INTS10: variants seen among roughly 807,000 people sequenced by gnomAD.
INTS10 encodes integrator complex subunit 10, also known as chromosome 8 open reading frame 35.
INTS10 carries 44 observed loss-of-function variants against 94.4 expected under a neutral mutation model. That is an observed-to-expected ratio of 0.47 (90% CI 0.37 to 0.60). INTS10 has a LOEUF of 0.60. Among genes scored for constraint, INTS10 ranks in the 20% least tolerant of loss-of-function variants. The probability of loss-of-function intolerance (pLI) is 0.00; values close to 1 mark genes in which losing one functional copy is unlikely to be tolerated. For missense variants in INTS10, 797 were observed against 868.7 expected, an observed-to-expected ratio of 0.92 and a Z score of 1.04; for synonymous variants, 341 against 320.7, an observed-to-expected ratio of 1.06 and a Z score of -0.68.
At chr8:19,825,946 C>G (rs1342881917) in intron 8 of INTS10, among the ~76,000 whole-genome samples, 1 of 152,126 alleles carries the variant, frequency 6.6e-6, no homozygotes, top group Non-Finnish European at 1.5e-5. Flanking sequence ...ACAGTCTTTT[C>G]TTTCTATGTG....
At position 19,843,742 on chromosome 8, in the gene INTS10, T is replaced by C. The variant is rs760921808; in HGVS notation, c.1720-334T>C. Among the ~76,000 whole-genome samples, 1 of 152,144 alleles carries C rather than the reference T, an allele frequency of 6.6e-6. No individual in the cohort carries two copies. The highest frequency in any genetic ancestry group is 1.5e-5 in the Non-Finnish European group (1 of 68,024). ...GCTCCCTTTCAAAGAAATCTTCAGA[T>C]TTATTTCTCCATTACACAGGATGAA... On this transcript the variant is annotated intron_variant, in intron 14 of 16. Transcript: ENST00000397977. The surrounding 1 kb of genome is among the most constrained non-coding windows in gnomAD (Gnocchi z 4.7).
intron 9 of INTS10, among the ~76,000 whole-genome samples, chr8:19,829,663 G>A (rs989894490): frequency 2.0e-5 from 3 of 152,082 alleles, no homozygotes; most frequent in African/African-American, 4.8e-5. Flanking sequence ...CTTAGAGGAC[G>A]CAGGCTTTAA....
chr8:19,846,433 C>CAAAAA lies in INTS10; in HGVS notation c.1976+643_1976+647dup, dbSNP rs71205949. 6.8e-6 allele frequency among the ~76,000 whole-genome samples: 1 copy of CAAAAA among 147,682 alleles called. No individual in the cohort carries two copies. ...GGGCAACAAGAGTGAAACTCCATCT[C>CAAAAA]AAAAAAAAAAACAAACAAACAAAAC... On this transcript the variant is annotated intron_variant, in intron 16 of 16. Coordinates refer to ENST00000397977, the MANE Select transcript of INTS10 (RefSeq NM_018142.4). This position sits in a 1 kb window ranked among gnomAD's most constrained non-coding sequence, Gnocchi z 4.2.
intron 11 of INTS10, among the ~76,000 whole-genome samples, 177 bp downstream of exon 11, chr8:19,832,287 A>G (rs1410150628): frequency 6.6e-6 from 1 of 152,120 alleles, no homozygotes; most frequent in African/African-American, 2.4e-5. Context: ...CAAAGTAACT[A>G]TCGGCCGGGT....
At position 19,833,109 on chromosome 8, in the gene INTS10, T is replaced by C. The variant is rs2067366143; in HGVS notation, c.1378-60T>C. On this transcript the variant is annotated intron_variant, in intron 11 of 16. Transcript: ENST00000397977. ...CTTCGTGAACCCTGGAACGGTATTT[T>C]TTAAATTTCTTTTTTTAACAGCGAT... 13 of 1,426,054 alleles carry C rather than the reference T, an allele frequency of 9.1e-6. No homozygotes were observed. In the Middle Eastern group the frequency reaches 5.5e-4, roughly 61 times the overall value. The allele number at this position is 1,426,054 out of a possible 1,614,324, so 88.3% of individuals were successfully genotyped here.
rs1164032633 is a variant in INTS10, at chr8:19,824,063, C to G, written c.836+19C>G. On this transcript the variant is annotated intron_variant, in intron 7 of 16. Coordinates refer to ENST00000397977, the MANE Select transcript of INTS10 (RefSeq NM_018142.4). ...GAAGACGGTAATAAATAGCTTATTTCCAGAATTGCCTATTGATTCTTTTGG... is the reference window on the plus strand; with the variant it reads ...GAAGACGGTAATAAATAGCTTATTTGCAGAATTGCCTATTGATTCTTTTGG... 2 of 1,553,722 alleles carry G rather than the reference C, an allele frequency of 1.3e-6. No individual in the cohort carries two copies.
At chr8:19,819,106 C>T (rs750158115) in intron 2 of INTS10, among the ~76,000 whole-genome samples, 1 of 152,096 alleles carries the variant, frequency 6.6e-6, no homozygotes, top group Non-Finnish European at 1.5e-5. Flanking sequence ...GTGTGTTTTC[C>T]CATACCCTTC....
At chr8:19,850,957 G>A (rs1034778054) in intron 16 of INTS10, among the ~76,000 whole-genome samples, 9 of 152,082 alleles carry the variant, frequency 5.9e-5, no homozygotes, top group African/African-American at 2.2e-4. Flanking sequence ...GCAGGACCAC[G>A]CAGTCCACTC....
intron 9 of INTS10, among the ~76,000 whole-genome samples, chr8:19,829,764 G>A (rs1014517970): frequency 4.6e-5 from 7 of 152,142 alleles, no homozygotes. Context: ...TGCCTCCCGG[G>A]CTTAAGAAAT....
chr8:19,849,785 A>C lies in INTS10; in HGVS notation c.1977-1864A>C, dbSNP rs955731617. Among the ~76,000 whole-genome samples, 1 of 152,138 alleles carries C rather than the reference A, an allele frequency of 6.6e-6. No homozygotes were observed. Among genetic ancestry groups the C allele is most frequent in the African/African-American group, 2.4e-5 (1 of 41,404 alleles). ...AAATGCCACATTTATTAGCTGGTTT[A>C]TCCTGTTCTTAAACCACAAAAGCTT... is the stretch of plus-strand genomic sequence containing the variant. On this transcript the variant is annotated intron_variant, in intron 16 of 16. Coordinates refer to ENST00000397977, the MANE Select transcript of INTS10 (RefSeq NM_018142.4). This position sits in a 1 kb window ranked among gnomAD's most constrained non-coding sequence, Gnocchi z 4.6.
intron 13 of INTS10, among the ~76,000 whole-genome samples, chr8:19,838,651 C>G (rs1307639759): frequency 6.6e-6 from 1 of 152,078 alleles, no homozygotes; most frequent in African/African-American, 2.4e-5. Context: ...ACTTTAAAGG[C>G]CAGTATCCAT....
rs1457308316 is a variant in INTS10, at chr8:19,817,587, T to G, written c.50T>G (p.Leu17Trp). 6.2e-7 allele frequency: 1 copy of G among 1,608,980 alleles called. No individual in the cohort carries two copies. The change falls in exon 1 of 17, where the codon TTG becomes TGG. Residue 17 changes from leucine to tryptophan, a missense_variant. By Grantham distance (61) the Leu-to-Trp change is moderately conservative. This residue lies in a region of INTS10 where 734 missense variants were observed against 787.8 expected (regional missense o/e 0.93). Transcript: ENST00000397977. ...TTCCTGGTGCAGCGAGCCCGGGAGT[T>G]GGTGCCGCAAGACCTGTGGGCAGCC... is the stretch of plus-strand genomic sequence containing the variant. ...CEFLVQRARE[L>W]VPQDLWAAKA...
At chr8:19,821,338 G>A (rs1228199753) in intron 4 of INTS10, 1 of 152,218 alleles carries the variant, frequency 6.6e-6, no homozygotes, top group Non-Finnish European at 1.5e-5. Context: ...GGCTTCTGAT[G>A]GTTGTCAGCA....
chr8:19,818,054 A>C (rs1386759707), intron 1 of INTS10: 1 of 601,950 alleles, frequency 1.7e-6, no homozygotes, highest in Non-Finnish European at 3.0e-6. Flanking sequence ...GACTTTGGAA[A>C]TATTATCCTA....
chr8:19,823,895 A>T lies in INTS10; in HGVS notation c.687A>T (p.Leu229Phe). The change falls in exon 7 of 17, where the codon TTA (leucine) becomes TTT (phenylalanine). Residue 229 changes from leucine (L) to phenylalanine (F), a missense_variant. Leu to Phe is a conservative substitution (Grantham distance 22). Transcript: ENST00000397977. ...CAGGCGCCCAGGATACATCTGATTT[A>T]ATGTCACCTAGCAAACGTAGCTCTC... ...QHQGAQDTSD[L>F]MSPSKRSSQK... The T allele has an allele frequency of 6.2e-7, 1 of 1,608,506 alleles. No individual in the cohort carries two copies. Among genetic ancestry groups the T allele is most frequent in the Non-Finnish European group, 8.5e-7 (1 of 1,178,372 alleles).
Position 19,844,244 on chromosome 8 carries a change from CT to C in INTS10, c.1882+12del. 1 of 1,589,900 alleles carries C rather than the reference CT, an allele frequency of 6.3e-7. No homozygotes were observed. Among genetic ancestry groups the C allele is most frequent in the Non-Finnish European group, 8.6e-7 (1 of 1,159,786 alleles). ...TTTTTTCAATTACGTTACAAGTATC[CT>C]TTTTTCTTGTTTAAGCATAACACAT... On this transcript the variant is annotated splice_region_variant and intron_variant, in intron 15 of 16. Transcript: ENST00000397977.
At chr8:19,823,517 C>T (rs1369912173) in intron 6 of INTS10, 76 bp downstream of exon 6, 1 of 987,430 alleles carries the variant, frequency 1.0e-6, no homozygotes, top group Non-Finnish European at 1.6e-6. Flanking sequence ...CCTCAATGTT[C>T]TGATTATTCT....
At chr8:19,830,291 T>C in intron 9 of INTS10, 115 bp from the exon 10 acceptor site, 1 of 803,120 alleles carries the variant, frequency 1.2e-6, no homozygotes, top group East Asian at 2.9e-5. Flanking sequence ...TGTATGTATG[T>C]GGTATCCTTT....
At chr8:19,818,247 T>G (rs2066096274) in intron 1 of INTS10, 28 bp from the exon 2 acceptor site, 2 of 1,612,008 alleles carry the variant, frequency 1.2e-6, no homozygotes, top group African/African-American at 1.3e-5. Context: ...CAGGGGTGAG[T>G]GACCAGGGTG....
Sources: gnomAD v4.1 joint callset for allele counts (sites outside exome capture counted in the v4.1 genomes callset) on GRCh38, gnomAD v4.1.1 for gene constraint, gnomAD v4.1.1 regional missense constraint, Gnocchi (gnomAD v3.1) non-coding constraint, MANE v1.5 for transcripts, NCBI Gene and HGNC (gene_info 2026-07-23, HGNC 2026-07-21) for gene names.